Variants in TRPM3 observed in about 807,000 individuals in gnomAD.
TRPM3 encodes the protein transient receptor potential cation channel subfamily M member 3, also known as long transient receptor potential channel 3.
Under a neutral mutation model 181.2 loss-of-function variants are expected in TRPM3, and 77 were observed. The ratio of observed to expected loss-of-function variants is 0.42; its 90% CI spans 0.35 to 0.51. TRPM3 has a LOEUF of 0.51. Ranked by LOEUF, TRPM3 falls within the 20% of genes least tolerant of loss-of-function variation. TRPM3 has a pLI of 0.01. For synonymous variants in TRPM3, 745 were observed against 796.4 expected (o/e 0.94, Z 1.09); for missense variants, 1,759 against 2,196.7 (o/e 0.80, Z 3.98).
intron 1 of TRPM3, among the ~76,000 whole-genome samples, chr9:70,992,723 A>G (rs191581229): frequency 6.6e-6 from 1 of 152,352 alleles, no homozygotes; most frequent in East Asian, 1.9e-4. Context: ...AGTGGATACC[A>G]TATTGACAAA....
intron 25 of TRPM3, among the ~76,000 whole-genome samples, chr9:70,548,264 C>A (rs568865822): frequency 6.6e-6 from 1 of 152,152 alleles, no homozygotes; most frequent in African/African-American, 2.4e-5. Context: ...AATTGCTTTA[C>A]GTTATATCAT....
chr9:71,371,975 C>T (rs891022821), intron 1 of TRPM3, among the ~76,000 whole-genome samples: 17 of 152,134 alleles, frequency 1.1e-4, no homozygotes, highest in African/African-American at 4.1e-4. Context: ...TGATGCTCTC[C>T]CTTCCCACAT....
At chr9:70,984,689 C>T (rs535199876) in intron 1 of TRPM3, among the ~76,000 whole-genome samples, 4 of 152,252 alleles carry the variant, frequency 2.6e-5, no homozygotes, top group African/African-American at 7.2e-5. Context: ...GAATGCTGTC[C>T]CACTCCAATG....
intron 1 of TRPM3, among the ~76,000 whole-genome samples, chr9:71,148,119 A>G (rs1193144092): frequency 6.6e-6 from 1 of 152,096 alleles, no homozygotes; most frequent in African/African-American, 2.4e-5. Flanking sequence ...TTAAAAAAAA[A>G]AATCTCAATT....
intron 6 of TRPM3, among the ~76,000 whole-genome samples, chr9:70,803,448 G>GT (rs1482020408): frequency 3.2e-4 from 38 of 119,466 alleles, no homozygotes; most frequent in South Asian, 5.5e-4. Flanking sequence ...CACCGTTTTT[G>GT]TTGTTTTTTT....
chr9:70,576,463 G>T (rs534110488), intron 22 of TRPM3, among the ~76,000 whole-genome samples: 7 of 149,552 alleles, frequency 4.7e-5, no homozygotes, highest in Admixed American at 4.0e-4. Context: ...TGCTGCTATA[G>T]ATCTTCTTCT....
At chr9:71,157,827 G>A (rs889005456) in intron 1 of TRPM3, among the ~76,000 whole-genome samples, 4 of 152,182 alleles carry the variant, frequency 2.6e-5, no homozygotes, top group Admixed American at 2.0e-4. Flanking sequence ...TCTTTTCTAG[G>A]TAGGAGGAAT....
At chr9:71,438,712 T>G (rs1467288664) in intron 1 of TRPM3, among the ~76,000 whole-genome samples, 1 of 152,158 alleles carries the variant, frequency 6.6e-6, no homozygotes, top group South Asian at 2.1e-4. Flanking sequence ...TTCCAGATAT[T>G]TTTTAGAGGA....
chr9:71,125,656 T>C (rs150678954), upstream of TRPM3, among the ~76,000 whole-genome samples: 1,847 of 152,276 alleles, frequency 0.012, 14 homozygotes, highest in Middle Eastern at 0.024. Flanking sequence ...GCAATGAACA[T>C]AGGTGTACAT....
At chr9:71,162,768 A>T (rs1373032118) in intron 1 of TRPM3, among the ~76,000 whole-genome samples, 1 of 152,202 alleles carries the variant, frequency 6.6e-6, no homozygotes, top group African/African-American at 2.4e-5. Flanking sequence ...AAGTGAATAG[A>T]ATTTGGACTT....
At chr9:70,959,745 T>A (rs918481993) in intron 1 of TRPM3, among the ~76,000 whole-genome samples, 5 of 152,206 alleles carry the variant, frequency 3.3e-5, no homozygotes. Flanking sequence ...CATTTTGCCT[T>A]GGAAAAGTGG....
Position 70,561,717 on chromosome 9 carries a change from G to A in TRPM3, c.3224-8407C>T, listed in dbSNP as rs188330977. On this transcript the variant is annotated intron_variant, in intron 22 of 25. Coordinates refer to ENST00000677713, the MANE Select transcript of TRPM3 (RefSeq NM_001366145.2). ...AAAGGCAGCCACTGGAAATTGGTGG[G>A]AGGCCTTGGTTTCTCCATCCATGAA... Among the ~76,000 whole-genome samples, 11 of 152,274 alleles carry A rather than the reference G, an allele frequency of 7.2e-5. No homozygotes were observed. In the East Asian group the frequency reaches 2.1e-3, roughly 29 times the overall value.
At chr9:71,184,513 C>T (rs1201483472) in intron 1 of TRPM3, among the ~76,000 whole-genome samples, 1 of 152,142 alleles carries the variant, frequency 6.6e-6, no homozygotes, top group African/African-American at 2.4e-5. Flanking sequence ...ACCTGGGCTT[C>T]TCTCAGTATC....
At chr9:70,575,764 A>T (rs941111772) in intron 22 of TRPM3, among the ~76,000 whole-genome samples, 1 of 152,224 alleles carries the variant, frequency 6.6e-6, no homozygotes, top group Non-Finnish European at 1.5e-5. Flanking sequence ...TCGCAGGGTT[A>T]GTAGAGATGA....
chr9:70,956,549 C>T (rs2097074465), intron 1 of TRPM3, among the ~76,000 whole-genome samples: 1 of 151,996 alleles, frequency 6.6e-6, no homozygotes, highest in Non-Finnish European at 1.5e-5. Flanking sequence ...TATGCATATC[C>T]TATCCAAATG....
At chr9:71,173,652 G>A (rs1268483282) in intron 1 of TRPM3, among the ~76,000 whole-genome samples, 3 of 152,184 alleles carry the variant, frequency 2.0e-5, no homozygotes, top group Non-Finnish European at 4.4e-5. Context: ...CATGGGGAGA[G>A]GTAGATTGCT....
At chr9:70,808,151 A>G (rs769357329) in intron 6 of TRPM3, among the ~76,000 whole-genome samples, 9 of 152,226 alleles carry the variant, frequency 5.9e-5, no homozygotes, top group Non-Finnish European at 8.8e-5. Flanking sequence ...TTCCATCAAG[A>G]TAACAGGTTC....
At chr9:70,668,672 G>GAAAAAAAAAAAAAAAAA in intron 9 of TRPM3, among the ~76,000 whole-genome samples, 1 of 86,512 alleles carries the variant, frequency 1.2e-5, no homozygotes, top group South Asian at 4.4e-4. Context: ...CTCAAAAAAA[G>GAAAAAAAAAAAAAAAAA]AAAAAAAAAA....
chr9:70,604,524 T>C (rs910030818), intron 19 of TRPM3, among the ~76,000 whole-genome samples: 29 of 152,196 alleles, frequency 1.9e-4, no homozygotes, highest in Admixed American at 1.8e-3. Context: ...AGACACAGTG[T>C]GGGTGAAAGG....
Sources: gnomAD v4.1 joint callset for allele counts (sites outside exome capture counted in the v4.1 genomes callset) on GRCh38, gnomAD v4.1.1 for gene constraint, MANE v1.5 for transcripts, NCBI Gene and HGNC (gene_info 2026-07-23, HGNC 2026-07-21) for gene names.